PDCD6: variants seen among roughly 807,000 people sequenced by gnomAD.
PDCD6 encodes the protein programmed cell death protein 6.
PDCD6 carries 12 observed loss-of-function variants against 28.3 expected under a neutral mutation model. The observed-to-expected ratio is 0.42, with a 90% CI of 0.27 to 0.69. The LOEUF (loss-of-function observed/expected upper bound fraction) is 0.69, where lower values mean the gene tolerates loss of function less well. Among genes scored for constraint, PDCD6 ranks in the 30% least tolerant of loss-of-function variants. PDCD6 has a pLI of 0.22. For missense variants in PDCD6, 226 were observed against 269.9 expected, an observed-to-expected ratio of 0.84 and a Z score of 1.14; for synonymous variants, 92 against 108.0, an observed-to-expected ratio of 0.85 and a Z score of 0.92.
At chr5:274,503 G>A (rs1028097170) in intron 2 of PDCD6, among the ~76,000 whole-genome samples, 2 of 152,184 alleles carry the variant, frequency 1.3e-5, no homozygotes, top group African/African-American at 4.8e-5. Context: ...ATGCATGCGA[G>A]GTGTTTCCGT....
intron 2 of PDCD6, among the ~76,000 whole-genome samples, chr5:294,407 C>G (rs1739479067): frequency 7.4e-6 from 1 of 134,624 alleles, no homozygotes; most frequent in South Asian, 2.2e-4. Flanking sequence ...GAACAGAGGC[C>G]TCATCAAAGA....
At chr5:292,077 T>G (rs749895179) in intron 2 of PDCD6, among the ~76,000 whole-genome samples, 16 of 152,288 alleles carry the variant, frequency 1.1e-4, no homozygotes, top group Non-Finnish European at 2.2e-4. Context: ...GATTGGGTTG[T>G]TGGTGGTGGG....
chr5:314,568 G>A lies in PDCD6; in HGVS notation c.*53G>A. ...ACATGGAAAGAGCCAAAATGTCACA[G>A]TTCCTATCTGTGAGGGAATGGAGCA... is the stretch of plus-strand genomic sequence containing the variant. On this transcript the variant is annotated 3_prime_UTR_variant, in exon 6 of 6. Coordinates refer to ENST00000264933, the MANE Select transcript of PDCD6 (RefSeq NM_013232.4). 2.4e-6 allele frequency: 3 copies of A among 1,266,136 alleles called. No homozygotes were observed. The highest frequency in any genetic ancestry group is 3.5e-6 in the Non-Finnish European group (3 of 865,356). 78.4% of individuals were successfully genotyped at this position (1,266,136 alleles called of 1,614,324 possible).
intron 2 of PDCD6, among the ~76,000 whole-genome samples, chr5:287,755 TTCAG>T (rs1739062377): frequency 6.6e-6 from 1 of 152,222 alleles, no homozygotes; most frequent in Admixed American, 6.5e-5. Flanking sequence ...CCCCTAAAGC[TTCAG>T]TCATTTAGCT....
In PDCD6 at chr5:273,068, C is replaced by T. The variant is rs974984761; in HGVS notation, c.163+296C>T. ...GGGGAATAGGAAGCTTAGCTCTGTA[C>T]AGCCGAAAGCCTTTTGGTAAGTTGG... On this transcript the variant is annotated intron_variant, in intron 2 of 5. Transcript: ENST00000264933. The T allele has an allele frequency of 1.6e-5, 6 of 382,302 alleles. No individual in the cohort carries two copies. In the Admixed American group the frequency reaches 2.4e-4, roughly 15 times the overall value. 23.7% of individuals were successfully genotyped at this position (382,302 alleles called of 1,614,324 possible).
intron 3 of PDCD6, 92 bp downstream of exon 3, chr5:304,313 A>T: frequency 2.1e-6 from 2 of 947,966 alleles, no homozygotes; most frequent in Non-Finnish European, 3.1e-6. Context: ...GGTCCGTATC[A>T]CTTTGCTCCC....
intron 2 of PDCD6, chr5:289,905 C>T: frequency 3.3e-6 from 5 of 1,507,186 alleles, no homozygotes; most frequent in Non-Finnish European, 3.7e-6. Context: ...AATTGTTTTT[C>T]TCTGAAGAAG....
At chr5:290,445 T>G (rs7736014) in intron 2 of PDCD6, 97,821 of 631,886 alleles carry the variant, frequency 0.15, 12,315 homozygotes, top group African/African-American at 0.53. Flanking sequence ...CAGGCCAAGT[T>G]GGGTGGGGGG....
intron 2 of PDCD6, among the ~76,000 whole-genome samples, chr5:275,282 C>T (rs529134682): frequency 6.6e-6 from 1 of 152,318 alleles, no homozygotes; most frequent in African/African-American, 2.4e-5. Context: ...ATTTCCTCAG[C>T]TTGTGCTGGG....
At chr5:310,064 A>T (rs1740806875) in intron 4 of PDCD6, 1 of 252,850 alleles carries the variant, frequency 4.0e-6, no homozygotes, top group Non-Finnish European at 7.8e-6. Flanking sequence ...ACTCCCAGAC[A>T]GGCAATGTCC....
Position 314,767 on chromosome 5 carries a change from C to T in PDCD6, c.*252C>T, listed in dbSNP as rs1035920080. On this transcript the variant is annotated 3_prime_UTR_variant, in exon 6 of 6. Transcript: ENST00000264933. ...GTGCCATGAGGTAAATGTAATGTTT[C>T]AGGCATTCTGCTTGCAAAAAAATCT... The T allele has an allele frequency of 1.6e-5, 9 of 567,430 alleles. No individual in the cohort carries two copies. The highest frequency in any genetic ancestry group is 2.6e-5 in the Non-Finnish European group (8 of 307,788). The allele number at this position is 567,430 out of a possible 1,614,324, so 35.1% of individuals were successfully genotyped here.
chr5:276,304 A>G (rs1209199427), intron 2 of PDCD6: 36 of 1,103,574 alleles, frequency 3.3e-5, no homozygotes, highest in African/African-American at 8.3e-5. Context: ...TCTGATATGC[A>G]CCTTTTTCCT....
At chr5:293,457 C>T (rs367864) in intron 2 of PDCD6, among the ~76,000 whole-genome samples, 1 of 90,342 alleles carries the variant, frequency 1.1e-5, no homozygotes, top group African/African-American at 3.2e-5. Context: ...TGCAAACGCC[C>T]GCGATACTGT....
chr5:312,316 G>A (rs1201508960), intron 5 of PDCD6: 2 of 152,256 alleles, frequency 1.3e-5, no homozygotes, highest in Non-Finnish European at 2.9e-5. Context: ...GGTGATCCAG[G>A]TCTCTACCCA....
intron 3 of PDCD6, chr5:306,318 A>G: frequency 2.8e-6 from 1 of 358,986 alleles, no homozygotes; most frequent in Non-Finnish European, 5.3e-6. Flanking sequence ...GGATTTCCTC[A>G]CACATCCCAT....
chr5:302,393 CTCTGTGTGTA>C (rs1561046905), intron 2 of PDCD6, among the ~76,000 whole-genome samples: 4,237 of 117,998 alleles, frequency 0.036, 332 homozygotes, highest in African/African-American at 0.078. Flanking sequence ...TGGAGTGCTG[CTCTGTGTGTA>C]TGCCTCAGGT....
intron 4 of PDCD6, chr5:308,366 C>A (rs115943852): frequency 0.011 from 1,702 of 152,326 alleles, 33 homozygotes; most frequent in African/African-American, 0.039. Context: ...TTAGCTGTGG[C>A]GGGAGGCACG....
chr5:301,664 T>A (rs1482597142), intron 2 of PDCD6, among the ~76,000 whole-genome samples: 2 of 151,456 alleles, frequency 1.3e-5, no homozygotes, highest in African/African-American at 4.9e-5. Context: ...GCATAACTGC[T>A]GGAGGGTGGG....
At chr5:280,175 G>A (rs1738476901) in intron 2 of PDCD6, among the ~76,000 whole-genome samples, 1 of 151,970 alleles carries the variant, frequency 6.6e-6, no homozygotes, top group Non-Finnish European at 1.5e-5. Context: ...CTGGAGCTCA[G>A]CGGGTTGAGA....
Sources: allele counts gnomAD v4.1 joint callset (sites outside exome capture counted in the v4.1 genomes callset), GRCh38; gene constraint gnomAD v4.1.1; transcripts MANE v1.5; gene names NCBI Gene and HGNC (gene_info 2026-07-23, HGNC 2026-07-21).